The following ALOX5AP variants were observed in gnomAD, a reference collection of about 807,000 sequenced individuals.
ALOX5AP encodes the protein arachidonate 5-lipoxygenase-activating protein.
A neutral mutation model predicts 18.5 loss-of-function variants in ALOX5AP; 9 were observed. The ratio of observed to expected loss-of-function variants is 0.49; its 90% CI spans 0.29 to 0.85. The LOEUF is 0.85. Ranked by LOEUF, ALOX5AP falls within the 40% of genes least tolerant of loss-of-function variation. The pLI, the probability that ALOX5AP is intolerant of heterozygous loss-of-function variation, is 0.08. For missense variants in ALOX5AP, 172 were observed against 202.5 expected, an observed-to-expected ratio of 0.85 and a Z score of 0.91; for synonymous variants, 81 against 78.6, an observed-to-expected ratio of 1.03 and a Z score of -0.16.
At chr13:30,722,871 A>G (rs1429457033) in intron 1 of ALOX5AP, among the ~76,000 whole-genome samples, 1 of 152,206 alleles carries the variant, frequency 6.6e-6, no homozygotes, top group African/African-American at 2.4e-5. Context: ...CTCACCTTGT[A>G]ATCTCTACAA....
rs869222414 is a variant in ALOX5AP at position 30,741,550 on chromosome 13, ACCCC to A, written c.71-2508_71-2505del. On this transcript the variant is annotated intron_variant, in intron 1 of 4. Transcript: ENST00000380490. ...TAGCTAGGATTACAGGCCCCTCCCCACCCCCACCCCCCAACAACTGGCTAATTTT... is the reference window on the plus strand; with the variant it reads ...TAGCTAGGATTACAGGCCCCTCCCCACACCCCCCAACAACTGGCTAATTTT... Among the ~76,000 whole-genome samples, 6 of 32,774 alleles carry A rather than the reference ACCCC, an allele frequency of 1.8e-4. No individual in the cohort carries two copies. The South Asian group carries it at 8.8e-3, about 48-fold the overall frequency. 21.5% of individuals were successfully genotyped at this position (32,774 alleles called of 152,430 possible).
intron 4 of ALOX5AP, among the ~76,000 whole-genome samples, chr13:30,762,777 G>A (rs1286197000): frequency 1.3e-5 from 2 of 152,110 alleles, no homozygotes; most frequent in African/African-American, 2.4e-5. Flanking sequence ...CTTGTTGTGC[G>A]GTCCTGATTG....
chr13:30,738,552 C>T (rs4769873), intron 1 of ALOX5AP, among the ~76,000 whole-genome samples: 16,741 of 152,208 alleles, frequency 0.11, 1,493 homozygotes, highest in African/African-American at 0.24. Flanking sequence ...GTTTTAATTA[C>T]ACAGACGCAT....
intron 2 of ALOX5AP, among the ~76,000 whole-genome samples, chr13:30,750,792 A>G (rs1360503809): frequency 1.3e-5 from 2 of 152,210 alleles, no homozygotes; most frequent in Non-Finnish European, 2.9e-5. Flanking sequence ...ACCTGATGTA[A>G]CCACAAGGGT....
intron 1 of ALOX5AP, among the ~76,000 whole-genome samples, chr13:30,741,551 C>T (rs1467904836): frequency 7.5e-4 from 2 of 2,654 alleles, no homozygotes; most frequent in Non-Finnish European, 9.1e-4. Context: ...CCCCTCCCCA[C>T]CCCCACCCCC....
chr13:30,720,993 G>T (rs1951588989), intron 1 of ALOX5AP, among the ~76,000 whole-genome samples: 1 of 152,108 alleles, frequency 6.6e-6, no homozygotes, highest in Admixed American at 6.5e-5. Context: ...ATGAGGTGTG[G>T]TTACTGCATC....
In ALOX5AP at chr13:30,713,842, G is replaced by A; in HGVS notation, c.116+1G>A. The A allele has an allele frequency of 6.9e-7, 1 of 1,448,306 alleles. No individual in the cohort carries two copies. Among genetic ancestry groups the A allele is most frequent in the South Asian group, 1.3e-5 (1 of 79,934 alleles). The allele number at this position is 1,448,306 out of a possible 1,614,324, so 89.7% of individuals were successfully genotyped here. A position where few individuals can be genotyped will look rare whatever the true frequency, so the allele number is the denominator to read the frequency against. On this transcript the variant is annotated splice_donor_variant, in intron 1 of 5. Transcript: ENST00000617770. LOFTEE classifies it high-confidence loss of function. Reference sequence around the variant, plus strand: ...TTGGGAACATAAGCCATCAGTGCTGGTGTGTGTGTGTGTGCGCGCACACGC... The same window carrying A: ...TTGGGAACATAAGCCATCAGTGCTGATGTGTGTGTGTGTGCGCGCACACGC...
chr13:30,714,251 C>G (rs1951532031), intron 1 of ALOX5AP, among the ~76,000 whole-genome samples: 1 of 148,208 alleles, frequency 6.7e-6, no homozygotes, highest in African/African-American at 2.5e-5. Context: ...CTCAGAGATT[C>G]ACAAAAAGCT....
At chr13:30,760,874 C>A (rs1228453854) in intron 4 of ALOX5AP, among the ~76,000 whole-genome samples, 1 of 151,934 alleles carries the variant, frequency 6.6e-6, no homozygotes, top group African/African-American at 2.4e-5. Context: ...CTTTTAGAAA[C>A]AATGAAAGAT....
chr13:30,760,414 T>C (rs1469303101), intron 4 of ALOX5AP, among the ~76,000 whole-genome samples: 1 of 152,216 alleles, frequency 6.6e-6, no homozygotes, highest in East Asian at 1.9e-4. Flanking sequence ...CTCAGGGCTC[T>C]GGATGCCTGG....
intron 2 of ALOX5AP, among the ~76,000 whole-genome samples, chr13:30,751,247 A>G (rs1951849480): frequency 6.6e-6 from 1 of 152,094 alleles, no homozygotes; most frequent in African/African-American, 2.4e-5. Context: ...TGTTTTTAGT[A>G]GAGACAGGGT....
chr13:30,735,509 A>G, upstream of ALOX5AP: 3 of 1,565,822 alleles, frequency 1.9e-6, no homozygotes, highest in Non-Finnish European at 2.6e-6. Flanking sequence ...AGAAATTGTA[A>G]TGATGAAAGA....
intron 1 of ALOX5AP, among the ~76,000 whole-genome samples, chr13:30,717,644 G>T (rs1359555394): frequency 6.6e-6 from 1 of 152,224 alleles, no homozygotes; most frequent in South Asian, 2.1e-4. Flanking sequence ...TGCATAGGGC[G>T]AGGTGTGGAA....
At chr13:30,742,283 T>C (rs1951772708) in intron 1 of ALOX5AP, 1 of 151,430 alleles carries the variant, frequency 6.6e-6, no homozygotes, top group Non-Finnish European at 1.5e-5. Flanking sequence ...GCCACTGCAC[T>C]CCAGCCTGGG....
At chr13:30,717,890 A>G (rs1001328780) in intron 1 of ALOX5AP, among the ~76,000 whole-genome samples, 1 of 152,140 alleles carries the variant, frequency 6.6e-6, no homozygotes, top group Admixed American at 6.5e-5. Flanking sequence ...GGGTGGGGTC[A>G]AGATTAGAGT....
At chr13:30,720,842 C>T (rs577528063) in intron 1 of ALOX5AP, among the ~76,000 whole-genome samples, 75 of 152,300 alleles carry the variant, frequency 4.9e-4, no homozygotes, top group Middle Eastern at 6.8e-3. Context: ...AATCTCTTCT[C>T]CATGCTCATC....
At chr13:30,716,164 A>T (rs1951548634) in intron 1 of ALOX5AP, among the ~76,000 whole-genome samples, 2 of 152,192 alleles carry the variant, frequency 1.3e-5, no homozygotes, top group South Asian at 4.1e-4. Context: ...TCTAAAACAC[A>T]ATCTCTCAAC....
intron 1 of ALOX5AP, among the ~76,000 whole-genome samples, chr13:30,736,351 AAAC>A (rs17239060): frequency 1.6e-3 from 234 of 149,630 alleles, no homozygotes; most frequent in African/African-American, 2.4e-3. Flanking sequence ...TATTAGTTAA[AAAC>A]AACAACAACA....
At chr13:30,714,739 G>A (rs1951536451) in intron 1 of ALOX5AP, among the ~76,000 whole-genome samples, 1 of 152,158 alleles carries the variant, frequency 6.6e-6, no homozygotes, top group African/African-American at 2.4e-5. Flanking sequence ...TGTAGCCTCT[G>A]AGAAGGCTAC....
Sources: allele counts gnomAD v4.1 joint callset (sites outside exome capture counted in the v4.1 genomes callset), GRCh38; gene constraint gnomAD v4.1.1; transcripts MANE v1.5; gene names NCBI Gene and HGNC (gene_info 2026-07-23, HGNC 2026-07-21).